The following METTL15 variants were observed in gnomAD, a reference collection of about 807,000 sequenced individuals.
The protein encoded by METTL15 is 12S rRNA N(4)-cytidine methyltransferase METTL15.
METTL15 carries 34 observed loss-of-function variants against 38.3 expected under a neutral mutation model. The observed-to-expected ratio is 0.89, with a 90% CI of 0.68 to 1.18. METTL15 has a LOEUF of 1.18. Among genes scored for constraint, METTL15 ranks in the 50% most tolerant of loss-of-function variants. The pLI, the probability that METTL15 is intolerant of heterozygous loss-of-function variation, is 0.00. For synonymous variants in METTL15, 162 were observed against 170.9 expected, an observed-to-expected ratio of 0.95 and a Z score of 0.41; for missense variants, 438 against 498.4, an observed-to-expected ratio of 0.88 and a Z score of 1.15.
intron 3 of METTL15, among the ~76,000 whole-genome samples, chr11:28,147,372 A>T (rs1590811106): frequency 6.6e-6 from 1 of 151,992 alleles, no homozygotes; most frequent in East Asian, 1.9e-4. Context: ...TCTTTAGGGC[A>T]ATAAGTGGAT....
intron 3 of METTL15, among the ~76,000 whole-genome samples, chr11:28,128,461 A>G (rs1031524443): frequency 3.3e-5 from 5 of 152,170 alleles, no homozygotes; most frequent in Non-Finnish European, 1.5e-5. Context: ...GAAAATCAAC[A>G]TTATGTATGT....
chr11:28,210,523 A>AT (rs1194567852), intron 3 of METTL15, among the ~76,000 whole-genome samples: 1 of 151,792 alleles, frequency 6.6e-6, no homozygotes, highest in African/African-American at 2.4e-5. Context: ...TTATTTTATT[A>AT]TTACAGATAC....
At chr11:28,503,651 C>T (rs1378277207) in intron 6 of METTL15, among the ~76,000 whole-genome samples, 2 of 151,666 alleles carry the variant, frequency 1.3e-5, no homozygotes, top group South Asian at 2.1e-4. Flanking sequence ...ATTAGCCAGG[C>T]GTGGTGGCAC....
At chr11:28,393,071 G>A (rs569478076) in intron 5 of METTL15, among the ~76,000 whole-genome samples, 2 of 152,246 alleles carry the variant, frequency 1.3e-5, no homozygotes, top group Admixed American at 6.5e-5. Flanking sequence ...TGCACTTTTT[G>A]TGGGAATGTA....
intron 4 of METTL15, among the ~76,000 whole-genome samples, chr11:28,355,514 A>G (rs983613223): frequency 2.0e-5 from 3 of 152,232 alleles, no homozygotes; most frequent in African/African-American, 7.2e-5. Flanking sequence ...GTGCGTATCC[A>G]TGAATTCCAT....
At chr11:28,349,141 T>A (rs1176245145) in intron 3 of METTL15, among the ~76,000 whole-genome samples, 1 of 152,280 alleles carries the variant, frequency 6.6e-6, no homozygotes, top group African/African-American at 2.4e-5. Context: ...CCTTCAATTT[T>A]AATCCAATTT....
At chr11:28,381,639 G>C (rs1040104685) in intron 5 of METTL15, among the ~76,000 whole-genome samples, 1 of 151,718 alleles carries the variant, frequency 6.6e-6, no homozygotes, top group African/African-American at 2.4e-5. Flanking sequence ...TCTTTCTTCT[G>C]TTGAGAGCCT....
chr11:28,460,973 T>C (rs907385592), intron 6 of METTL15, among the ~76,000 whole-genome samples: 1 of 152,088 alleles, frequency 6.6e-6, no homozygotes, highest in Non-Finnish European at 1.5e-5. Flanking sequence ...AGAATTATTA[T>C]GTGCTTTGTG....
At chr11:28,254,479 T>C (rs1854889769) in intron 4 of METTL15, among the ~76,000 whole-genome samples, 1 of 152,212 alleles carries the variant, frequency 6.6e-6, no homozygotes, top group South Asian at 2.1e-4. Context: ...CAGAAGCTTT[T>C]TAACTTGATA....
chr11:28,381,311 A>G (rs567724845), intron 5 of METTL15, among the ~76,000 whole-genome samples: 1 of 152,222 alleles, frequency 6.6e-6, no homozygotes, highest in African/African-American at 2.4e-5. Flanking sequence ...TGTCTTTGAC[A>G]TTTGAGAGTT....
At chr11:28,360,092 A>T (rs1352007985) in intron 4 of METTL15, among the ~76,000 whole-genome samples, 2 of 152,194 alleles carry the variant, frequency 1.3e-5, no homozygotes, top group Admixed American at 1.3e-4. Context: ...TTTTGCCTTT[A>T]AGAGAGTAAC....
downstream of METTL15, among the ~76,000 whole-genome samples, chr11:28,529,984 CTCCTGGTCCTA>C (rs1851834862): frequency 6.6e-6 from 1 of 152,096 alleles, no homozygotes; most frequent in Non-Finnish European, 1.5e-5. Flanking sequence ...GGGGTGGGTA[CTCCTGGTCCTA>C]TTTGCTACCA....
intron 5 of METTL15, chr11:28,399,165 C>T (rs745393594): frequency 6.6e-6 from 1 of 151,966 alleles, no homozygotes; most frequent in Non-Finnish European, 1.5e-5. Context: ...ACCATCTGAT[C>T]TTTGACAAAC....
At chr11:28,484,748 T>C (rs1055871857) in intron 6 of METTL15, among the ~76,000 whole-genome samples, 2 of 152,272 alleles carry the variant, frequency 1.3e-5, no homozygotes, top group Admixed American at 1.3e-4. Context: ...TTATTGGGAA[T>C]GCGATCGTTT....
At chr11:28,112,970 A>G (rs1565099345) in intron 2 of METTL15, among the ~76,000 whole-genome samples, 1 of 152,196 alleles carries the variant, frequency 6.6e-6, no homozygotes, top group Non-Finnish European at 1.5e-5. Context: ...CATTGAATCT[A>G]CTTTTTAGCC....
rs375308568 is a variant in METTL15 at position 28,274,561 on chromosome 11, A to G, written c.408-15645A>G. On this transcript the variant is annotated intron_variant, in intron 4 of 6. Coordinates refer to ENST00000407364, the MANE Select transcript of METTL15 (RefSeq NM_001113528.2). ...TAAATTAAACTTATTTTATATTAAA[A>G]TGAATACATATATAGAGTAGAATAA... is the stretch of plus-strand genomic sequence containing the variant. Among the ~76,000 whole-genome samples, 15 of 152,164 alleles carry G rather than the reference A, an allele frequency of 9.9e-5. No individual in the cohort carries two copies. In the East Asian group the frequency reaches 2.7e-3, roughly 27 times the overall value.
rs181940602 is a variant in METTL15 at position 28,175,102 on chromosome 11, C to G, written c.271-35960C>G. 3.3e-5 allele frequency among the ~76,000 whole-genome samples: 5 copies of G among 152,032 alleles called. No individual in the cohort carries two copies. In the East Asian group the frequency reaches 9.8e-4, roughly 30 times the overall value. On this transcript the variant is annotated intron_variant, in intron 3 of 6. Transcript: ENST00000407364. The stretch of plus-strand genomic sequence containing the variant: ...CCAAATGCTATCCCTCCCCCCTACC[C>G]CCACCCCACAACAGGCCCCGATGTG...
intron 3 of METTL15, among the ~76,000 whole-genome samples, chr11:28,175,313 T>G (rs1851029118): frequency 1.3e-5 from 2 of 152,332 alleles, no homozygotes; most frequent in South Asian, 4.1e-4. Context: ...TTCCATGGTG[T>G]ATATGTGCCA....
At chr11:28,310,467 T>G (rs1302071299) in intron 6 of METTL15, among the ~76,000 whole-genome samples, 1 of 152,094 alleles carries the variant, frequency 6.6e-6, no homozygotes, top group Non-Finnish European at 1.5e-5. Flanking sequence ...TAGTAATATT[T>G]CCTGCAGTTG....
Sources: allele counts gnomAD v4.1 joint callset (sites outside exome capture counted in the v4.1 genomes callset), GRCh38; gene constraint gnomAD v4.1.1; transcripts MANE v1.5; gene names NCBI Gene and HGNC (gene_info 2026-07-23, HGNC 2026-07-21).